VPS13B: variants seen among roughly 807,000 people sequenced by gnomAD.
VPS13B encodes intermembrane lipid transfer protein VPS13B.
In VPS13B, 285 loss-of-function variants were observed where a neutral mutation model predicts 426.4. The ratio of observed to expected loss-of-function variants is 0.67; its 90% confidence interval spans 0.61 to 0.74. The LOEUF (loss-of-function observed/expected upper bound fraction) is 0.74, where lower values mean the gene tolerates loss of function less well. Ranked by LOEUF, VPS13B falls within the 30% of genes least tolerant of loss-of-function variation. The probability of loss-of-function intolerance (pLI) is 0.00; values close to 1 mark genes in which losing one functional copy is unlikely to be tolerated. For synonymous variants in VPS13B, 1,676 were observed against 1,676.4 expected, an observed-to-expected ratio of 1.00 and a Z score of 0.01; for missense variants, 4,537 against 4,782.6, an observed-to-expected ratio of 0.95 and a Z score of 1.51.
intron 17 of VPS13B, among the ~76,000 whole-genome samples, chr8:99,245,182 T>A (rs1588170169): frequency 6.6e-6 from 1 of 152,354 alleles, no homozygotes; most frequent in Non-Finnish European, 1.5e-5. Flanking sequence ...GATAATACTG[T>A]GTGATTTTGA....
chr8:99,205,115 C>G (rs1045553587), intron 17 of VPS13B, among the ~76,000 whole-genome samples: 1 of 152,158 alleles, frequency 6.6e-6, no homozygotes, highest in African/African-American at 2.4e-5. Context: ...AAATGTCCAT[C>G]AGTGATAGAC....
At chr8:99,031,641 A>G (rs1452998225) in intron 2 of VPS13B, among the ~76,000 whole-genome samples, 1 of 152,102 alleles carries the variant, frequency 6.6e-6, no homozygotes, top group Non-Finnish European at 1.5e-5. Context: ...TGTAATTTCT[A>G]TGTGATTTCT....
chr8:99,820,339 A>G (rs1027755313), intron 49 of VPS13B, among the ~76,000 whole-genome samples: 1 of 152,102 alleles, frequency 6.6e-6, no homozygotes. Context: ...TTACCATTAA[A>G]TTTGATAACT....
At chr8:99,306,702 G>T (rs1355852490) in intron 19 of VPS13B, among the ~76,000 whole-genome samples, 15 of 152,058 alleles carry the variant, frequency 9.9e-5, no homozygotes, top group Admixed American at 9.8e-4. Context: ...TATAGTGTGG[G>T]AGGATCATCA....
At chr8:99,655,602 C>T (rs1217418389) in intron 34 of VPS13B, among the ~76,000 whole-genome samples, 1 of 152,172 alleles carries the variant, frequency 6.6e-6, no homozygotes, top group African/African-American at 2.4e-5. Context: ...CAGTCTTTGC[C>T]TGCTTCCTAG....
chr8:99,867,580 C>CA (rs1396540723), intron 58 of VPS13B, among the ~76,000 whole-genome samples: 1 of 152,132 alleles, frequency 6.6e-6, no homozygotes, highest in Non-Finnish European at 1.5e-5. Context: ...TGCTGTGACT[C>CA]AAACTCTCTG....
intron 28 of VPS13B, among the ~76,000 whole-genome samples, chr8:99,508,210 T>C (rs1821600782): frequency 6.6e-6 from 1 of 152,182 alleles, no homozygotes; most frequent in Admixed American, 6.5e-5. Flanking sequence ...CAATACTGCT[T>C]TTGTCATTCC....
At chr8:99,633,806 G>GGTGTGTGTGT (rs139474452) in intron 33 of VPS13B, among the ~76,000 whole-genome samples, 10,334 of 143,808 alleles carry the variant, frequency 0.072, 613 homozygotes, top group Admixed American at 0.19. Flanking sequence ...GAATGTGTCA[G>GGTGTGTGTGT]GTGTGTGTGT....
At chr8:99,050,858 T>C (rs1843507116) in intron 3 of VPS13B, among the ~76,000 whole-genome samples, 1 of 152,236 alleles carries the variant, frequency 6.6e-6, no homozygotes. Flanking sequence ...GTTCATATGC[T>C]TTGCCCACTT....
intron 3 of VPS13B, among the ~76,000 whole-genome samples, chr8:99,039,408 T>C (rs1842879303): frequency 6.6e-6 from 1 of 152,166 alleles, no homozygotes; most frequent in South Asian, 2.1e-4. Flanking sequence ...GCAGATGTAA[T>C]ATTGGTTTTA....
At chr8:99,243,353 C>A (rs1221940696) in intron 17 of VPS13B, among the ~76,000 whole-genome samples, 1 of 152,022 alleles carries the variant, frequency 6.6e-6, no homozygotes, top group Admixed American at 6.6e-5. Flanking sequence ...TTTAATTTTT[C>A]TACCAGAGAA....
chr8:99,536,861 A>G (rs774214391), intron 30 of VPS13B: 2 of 483,446 alleles, frequency 4.1e-6, no homozygotes, highest in African/African-American at 3.9e-5. Context: ...AGTACCACTA[A>G]ACTTTAAGAA....
intron 3 of VPS13B, among the ~76,000 whole-genome samples, chr8:99,049,059 G>A (rs1587962085): frequency 1.3e-5 from 2 of 152,184 alleles, no homozygotes; most frequent in East Asian, 3.9e-4. Flanking sequence ...GTCCTTATGT[G>A]GTAGGTGAGT....
At chr8:99,033,896 A>C (rs967407144) in intron 2 of VPS13B, among the ~76,000 whole-genome samples, 1 of 149,138 alleles carries the variant, frequency 6.7e-6, no homozygotes, top group Non-Finnish European at 1.5e-5. Context: ...ACTCCATCTC[A>C]AAAAAAAAAA....
chr8:99,767,493 CA>C (rs869220303), intron 40 of VPS13B, among the ~76,000 whole-genome samples: 831 of 33,306 alleles, frequency 0.025, 6 homozygotes, highest in African/African-American at 0.08. Context: ...GCAACTCTCT[CA>C]AAAAAAAAAA....
chr8:99,633,991 CA>C (rs1261703781), intron 33 of VPS13B, among the ~76,000 whole-genome samples: 2 of 151,922 alleles, frequency 1.3e-5, no homozygotes, highest in Non-Finnish European at 2.9e-5. Flanking sequence ...AAGAACGGAA[CA>C]GAGAATGAGA....
At chr8:99,869,913 G>A (rs1374021203) in intron 59 of VPS13B, among the ~76,000 whole-genome samples, 1 of 152,266 alleles carries the variant, frequency 6.6e-6, no homozygotes, top group African/African-American at 2.4e-5. Flanking sequence ...TGGTGCTGGA[G>A]AGTCTATGTA....
intron 3 of VPS13B, among the ~76,000 whole-genome samples, chr8:99,085,902 TG>T (rs1252586323): frequency 2.6e-5 from 4 of 152,234 alleles, no homozygotes; most frequent in African/African-American, 9.6e-5. Context: ...ATTTCAACTT[TG>T]GTGAATGTGA....
chr8:99,028,784 T>C (rs1197406932), intron 2 of VPS13B, among the ~76,000 whole-genome samples: 1 of 81,454 alleles, frequency 1.2e-5, no homozygotes, highest in Non-Finnish European at 2.5e-5. Context: ...CACTTCCCAG[T>C]AGGGGCGGCC....
Sources: gnomAD v4.1 joint callset for allele counts (sites outside exome capture counted in the v4.1 genomes callset) on GRCh38, gnomAD v4.1.1 for gene constraint, MANE v1.5 for transcripts, NCBI Gene and HGNC (gene_info 2026-07-23, HGNC 2026-07-21) for gene names.